Variants in ZNF721 observed in about 807,000 individuals in gnomAD.
ZNF721 encodes zinc finger protein 721.
A neutral mutation model predicts 2.4 loss-of-function variants in ZNF721; 2 were observed. The ratio of observed to expected loss-of-function variants is 0.82; its 90% CI spans 0.34 to 2.58. The LOEUF (loss-of-function observed/expected upper bound fraction) is 2.58. Ranked by LOEUF, ZNF721 falls within the 30% of genes most tolerant of loss-of-function variation. The probability of loss-of-function intolerance (pLI) is 0.11; values close to 1 mark genes in which losing one functional copy is unlikely to be tolerated. For synonymous variants in ZNF721, 398 were observed against 381.8 expected (o/e 1.04, Z -0.50); for missense variants, 1,187 against 1,085.5 (o/e 1.09, Z -1.31).
chr4:444,324 T>C lies in ZNF721; in HGVS notation c.143A>G (p.Gln48Arg). 6.2e-7 allele frequency: 1 copy of C among 1,614,172 alleles called. No homozygotes were observed. The highest frequency in any genetic ancestry group is 8.5e-7 in the Non-Finnish European group (1 of 1,180,012). ...RYEKCGHDNL[Q>R]LRKGCKSMNV... ...CATACTTTTACAGCCTTTCCTTAAT[T>C]GTAAATTATCATGCCCACATTTCTC... is the stretch of plus-strand genomic sequence containing the variant. The change falls in exon 3 of 3, where the codon CAA becomes CGA. Residue 48 changes from glutamine to arginine, a missense_variant. Transcript: ENST00000511833.
intron 1 of ZNF721, among the ~76,000 whole-genome samples, chr4:495,795 G>A (rs1050372804): frequency 3.3e-5 from 5 of 151,906 alleles, no homozygotes; most frequent in Non-Finnish European, 2.9e-5. Flanking sequence ...GTGGAGACGG[G>A]GTTTCACCAT....
chr4:491,776 C>A (rs1462481495), intron 1 of ZNF721, among the ~76,000 whole-genome samples: 1 of 152,006 alleles, frequency 6.6e-6, no homozygotes, highest in African/African-American at 2.4e-5. Flanking sequence ...CTTTTTAGAC[C>A]CAGGACTGAA....
At chr4:495,812 C>G (rs2108726588) in intron 1 of ZNF721, among the ~76,000 whole-genome samples, 1 of 152,200 alleles carries the variant, frequency 6.6e-6, no homozygotes, top group African/African-American at 2.4e-5. Flanking sequence ...CCATGTTGGC[C>G]AGGATGGTCT....
intron 1 of ZNF721, among the ~76,000 whole-genome samples, chr4:479,118 G>A (rs547640780): frequency 1.3e-5 from 2 of 152,224 alleles, no homozygotes; most frequent in African/African-American, 4.8e-5. Context: ...CCTTTTGTTG[G>A]AGAGTCAGCC....
chr4:498,729 T>C (rs1716460903), intron 1 of ZNF721, among the ~76,000 whole-genome samples: 1 of 148,082 alleles, frequency 6.8e-6, no homozygotes, highest in East Asian at 1.9e-4. Context: ...GAATTTTCTT[T>C]TTTTTTTTTT....
intron 2 of ZNF721, among the ~76,000 whole-genome samples, chr4:460,172 A>G (rs538131917): frequency 6.6e-6 from 1 of 152,192 alleles, no homozygotes; most frequent in Admixed American, 6.5e-5. Flanking sequence ...CACTTAATCT[A>G]AAGTTGACCA....
intron 2 of ZNF721, among the ~76,000 whole-genome samples, chr4:472,246 G>C (rs1184951904): frequency 4.6e-5 from 7 of 152,154 alleles, no homozygotes; most frequent in Non-Finnish European, 8.8e-5. Flanking sequence ...ATTTTTAGTA[G>C]AGACAGGGTT....
intron 1 of ZNF721, among the ~76,000 whole-genome samples, chr4:485,898 C>T (rs782613215): frequency 9.2e-5 from 14 of 152,064 alleles, no homozygotes; most frequent in South Asian, 4.1e-4. Context: ...TTGCTTGAAC[C>T]GAGGAGGTAG....
At chr4:459,226 G>C (rs6843019) in intron 2 of ZNF721, among the ~76,000 whole-genome samples, 26,841 of 152,084 alleles carry the variant, frequency 0.18, 2,984 homozygotes, top group Non-Finnish European at 0.23. Flanking sequence ...TCAACACTAT[G>C]AAGAAACTGC....
chr4:468,595 A>G (rs1715332549), intron 2 of ZNF721, among the ~76,000 whole-genome samples: 1 of 152,146 alleles, frequency 6.6e-6, no homozygotes, highest in South Asian at 2.1e-4. Flanking sequence ...CAGGGCCCAG[A>G]AAGAATCTGT....
chr4:455,325 TG>T (rs1714812009), intron 2 of ZNF721, among the ~76,000 whole-genome samples: 1 of 152,166 alleles, frequency 6.6e-6, no homozygotes, highest in African/African-American at 2.4e-5. Flanking sequence ...CCTAGCACTT[TG>T]GGAGGCCGAG....
In ZNF721 at chr4:443,218, A is replaced by C. The variant is rs1553863581; in HGVS notation, c.1249T>G (p.Tyr417Asp). ...GCTCTGCCACGATCTTCACATGTGT[A>C]GGGTTTCTCTCTGGTGTGAATTCTC... ...HKRIHTREKP[Y>D]TCEDRGRAFG... Residue 417 changes from tyrosine (Y) to aspartate (D), a missense_variant, in exon 3 of 3, where the codon TAC (tyrosine) becomes GAC (aspartate). Coordinates refer to ENST00000511833, the MANE Select transcript of ZNF721 (RefSeq NM_133474.4). 6.2e-7 allele frequency: 1 copy of C among 1,613,922 alleles called. No individual in the cohort carries two copies. The highest frequency in any genetic ancestry group is 1.1e-5 in the South Asian group (1 of 91,068).
chr4:460,394 C>A (rs1006974650), intron 2 of ZNF721, among the ~76,000 whole-genome samples: 6 of 152,044 alleles, frequency 3.9e-5, no homozygotes, highest in African/African-American at 1.4e-4. Flanking sequence ...CCAATGAGAA[C>A]AAAGACACAA....
At chr4:464,857 A>T in intron 2 of ZNF721, among the ~76,000 whole-genome samples, 1 of 151,862 alleles carries the variant, frequency 6.6e-6, no homozygotes, top group East Asian at 1.9e-4. Flanking sequence ...AGGCGGGAGG[A>T]TCACGAGGTC....
At chr4:463,056 C>T (rs996282382) in intron 2 of ZNF721, among the ~76,000 whole-genome samples, 4 of 152,154 alleles carry the variant, frequency 2.6e-5, no homozygotes, top group Non-Finnish European at 5.9e-5. Context: ...AACAAATTTA[C>T]AAGAGAAAAC....
intron 2 of ZNF721, among the ~76,000 whole-genome samples, chr4:464,218 C>T (rs1553866452): frequency 6.6e-6 from 1 of 152,250 alleles, no homozygotes; most frequent in African/African-American, 2.4e-5. Context: ...CACCTGTAAT[C>T]CCAGCACTTT....
chr4:455,339 G>A (rs1277367745), intron 2 of ZNF721, among the ~76,000 whole-genome samples: 1 of 152,112 alleles, frequency 6.6e-6, no homozygotes. Flanking sequence ...AGGCCGAGGC[G>A]GGCGGATCAG....
At chr4:468,579 TCTTTCCA>T (rs1553867114) in intron 2 of ZNF721, among the ~76,000 whole-genome samples, 6 of 152,152 alleles carry the variant, frequency 3.9e-5, no homozygotes, top group African/African-American at 1.2e-4. Flanking sequence ...GGAAATCTAA[TCTTTCCA>T]GGGCCCAGAA....
intron 2 of ZNF721, among the ~76,000 whole-genome samples, chr4:450,953 AAAAATATATATATATATATATATAT>A (rs1361706756): frequency 3.0e-5 from 1 of 33,606 alleles, no homozygotes; most frequent in African/African-American, 2.0e-4. Context: ...AAAAAAAAAA[AAAAATATATATATATATATATATAT>A]ATATATATAT....
Sources: gnomAD v4.1 joint callset for allele counts (sites outside exome capture counted in the v4.1 genomes callset) on GRCh38, gnomAD v4.1.1 for gene constraint, MANE v1.5 for transcripts, NCBI Gene and HGNC (gene_info 2026-07-23, HGNC 2026-07-21) for gene names.